HEXB: variants seen among roughly 807,000 people sequenced by gnomAD.
HEXB encodes hexosaminidase subunit beta.
HEXB carries 51 observed loss-of-function variants against 71.2 expected under a neutral mutation model. The ratio of observed to expected loss-of-function variants is 0.72; its 90% CI spans 0.57 to 0.90. The LOEUF (loss-of-function observed/expected upper bound fraction) is 0.90, where lower values mean the gene tolerates loss of function less well. HEXB is among the 40% of genes least tolerant of loss of function. The probability of loss-of-function intolerance (pLI) is 0.00; values close to 1 mark genes in which losing one functional copy is unlikely to be tolerated. For missense variants in HEXB, 617 were observed against 677.0 expected, an observed-to-expected ratio of 0.91 and a Z score of 0.98; for synonymous variants, 266 against 249.3, an observed-to-expected ratio of 1.07 and a Z score of -0.63.
Position 74,685,353 on chromosome 5 carries a change from T to TCAGGTGGCGCTGGTGGTG in HEXB, c.103_120dup (p.Leu35_Ala40dup). 2 of 1,585,770 alleles carry TCAGGTGGCGCTGGTGGTG rather than the reference T, an allele frequency of 1.3e-6. No homozygotes were observed. Among genetic ancestry groups the TCAGGTGGCGCTGGTGGTG allele is most frequent in the Non-Finnish European group, 1.7e-6 (2 of 1,167,604 alleles). On this transcript the variant is annotated inframe_insertion, in exon 1 of 14. Coordinates refer to ENST00000261416, the MANE Select transcript of HEXB (RefSeq NM_000521.4). ...TGGCGGCGATGTTGGCGCTGCTGAC[T>TCAGGTGGCGCTGGTGGTG]CAGGTGGCGCTGGTGGTGCAGGTGG...
intron 1 of HEXB, among the ~76,000 whole-genome samples, chr5:74,671,675 C>T (rs1467352714): frequency 6.6e-6 from 1 of 152,108 alleles, no homozygotes; most frequent in Non-Finnish European, 1.5e-5. Context: ...TAAATATAGG[C>T]AATTTATTGT....
At chr5:74,715,715 TTAA>T in intron 8 of HEXB, 25 bp downstream of exon 8, 14 of 1,418,564 alleles carry the variant, frequency 9.9e-6, no homozygotes, top group Admixed American at 1.9e-5. Flanking sequence ...TAAAACCCCT[TTAA>T]AAAAAAAAAA....
chr5:74,702,119 C>T (rs1272491385), intron 5 of HEXB, among the ~76,000 whole-genome samples: 29 of 124,094 alleles, frequency 2.3e-4, no homozygotes, highest in African/African-American at 8.6e-4. Context: ...CGCTCTGTCG[C>T]CCAGGCTGGA....
At position 74,652,700 on chromosome 5, in the gene HEXB, G is replaced by A. The variant is rs1391944487; in HGVS notation, c.-377+12142G>A. On this transcript the variant is annotated intron_variant, in intron 1 of 13. Transcript: ENST00000511181. The surrounding 1 kb of genome is among the most constrained non-coding windows in gnomAD (Gnocchi z 5.4). ...TGTCCAAGTTCCAAAGTGTTCTTGA[G>A]CAGCCAAAAGTCAGGGATAGAGGCT... Among the ~76,000 whole-genome samples, 3 of 152,028 alleles carry A rather than the reference G, an allele frequency of 2.0e-5. No homozygotes were observed. Among genetic ancestry groups the A allele is most frequent in the Non-Finnish European group, 2.9e-5 (2 of 67,998 alleles).
At chr5:74,679,619 G>A (rs1748700320) in intron 1 of HEXB, among the ~76,000 whole-genome samples, 1 of 151,858 alleles carries the variant, frequency 6.6e-6, no homozygotes, top group Non-Finnish European at 1.5e-5. Context: ...GGCCAACATG[G>A]TGAAGCCCTG....
At chr5:74,674,605 G>GAAAAAAA (rs1199567534) in intron 1 of HEXB, among the ~76,000 whole-genome samples, 7 of 94,868 alleles carry the variant, frequency 7.4e-5, no homozygotes, top group Admixed American at 2.4e-4. Flanking sequence ...CTCTGTCTCA[G>GAAAAAAA]AAAAAAAAAA....
intron 2 of HEXB, chr5:74,693,400 A>G (rs1432304054): frequency 1.8e-6 from 1 of 565,902 alleles, no homozygotes; most frequent in African/African-American, 1.9e-5. Context: ...TGAGGAACAC[A>G]GAAGACCAGC....
chr5:74,715,470 G>A (rs1367936632), intron 7 of HEXB, 40 bp from the exon 8 acceptor site: 9 of 1,355,348 alleles, frequency 6.6e-6, no homozygotes, highest in Non-Finnish European at 9.5e-6. Flanking sequence ...TTTATAATGA[G>A]TACACTTCTT....
rs1747899494 is a variant in HEXB at position 74,641,850 on chromosome 5, T to C, written c.-377+1292T>C. On this transcript the variant is annotated intron_variant, in intron 1 of 13. Transcript: ENST00000511181. The surrounding 1 kb of genome is among the most constrained non-coding windows in gnomAD (Gnocchi z 4.1). ...GGATAGATGACCGGTCCAGCCCCCT[T>C]GTTTTACAGGTGGGGAACCGAGGCC... is the stretch of plus-strand genomic sequence containing the variant. Among the ~76,000 whole-genome samples, 1 of 152,190 alleles carries C rather than the reference T, an allele frequency of 6.6e-6. No homozygotes were observed. The highest frequency in any genetic ancestry group is 1.5e-5 in the Non-Finnish European group (1 of 68,016).
chr5:74,681,745 A>C (rs1000537965), upstream of HEXB, among the ~76,000 whole-genome samples: 9 of 152,100 alleles, frequency 5.9e-5, no homozygotes, highest in African/African-American at 2.2e-4. Context: ...CCTAATTCCT[A>C]AATGCCCACA....
At chr5:74,682,361 AAAAAC>A (rs1298524651), upstream of HEXB, among the ~76,000 whole-genome samples, 1 of 152,256 alleles carries the variant, frequency 6.6e-6, no homozygotes, top group African/African-American at 2.4e-5. Context: ...CCGTCTCAAA[AAAAAC>A]AAAACAAAAC....
chr5:74,642,986 G>A (rs747086612), intron 1 of HEXB, among the ~76,000 whole-genome samples: 6 of 152,166 alleles, frequency 3.9e-5, no homozygotes, highest in Non-Finnish European at 7.3e-5. Flanking sequence ...GTATACATTC[G>A]CTTCATCTGC....
At chr5:74,657,823 C>A (rs992127997) in intron 1 of HEXB, among the ~76,000 whole-genome samples, 1 of 152,156 alleles carries the variant, frequency 6.6e-6, no homozygotes, top group African/African-American at 2.4e-5. Flanking sequence ...TGTCATGTGG[C>A]GTCTTCTGAT....
intron 1 of HEXB, among the ~76,000 whole-genome samples, chr5:74,658,698 CAG>C (rs1242777713): frequency 2.0e-5 from 3 of 152,132 alleles, no homozygotes; most frequent in Non-Finnish European, 2.9e-5. Flanking sequence ...CTAGGAATGA[CAG>C]AAGATTCACT....
At chr5:74,715,272 G>T (rs1749642202) in intron 7 of HEXB, among the ~76,000 whole-genome samples, 1 of 152,166 alleles carries the variant, frequency 6.6e-6, no homozygotes, top group Non-Finnish European at 1.5e-5. Context: ...AGATTTGGGA[G>T]TTACTAACAT....
At chr5:74,648,302 A>G (rs944592677) in intron 1 of HEXB, among the ~76,000 whole-genome samples, 2 of 152,196 alleles carry the variant, frequency 1.3e-5, no homozygotes, top group African/African-American at 4.8e-5. Context: ...AAGAGATGAA[A>G]CCATTTCTTC....
intron 6 of HEXB, among the ~76,000 whole-genome samples, chr5:74,706,635 G>T (rs1580389973): frequency 2.0e-5 from 3 of 152,198 alleles, no homozygotes; most frequent in Admixed American, 2.0e-4. Flanking sequence ...CGGCACACCA[G>T]GATATTATAT....
At chr5:74,671,812 T>A (rs966501943) in intron 1 of HEXB, among the ~76,000 whole-genome samples, 7 of 152,178 alleles carry the variant, frequency 4.6e-5, no homozygotes, top group Non-Finnish European at 1.0e-4. Flanking sequence ...ATGAGCCTGA[T>A]GCACAGTGAG....
At position 74,685,331 on chromosome 5, in the gene HEXB, C is replaced by T; in HGVS notation, c.71C>T (p.Ala24Val). Residue 24 changes from alanine to valine, a missense_variant, in exon 1 of 14, where the codon GCG becomes GTG. Transcript: ENST00000261416. ...LLALLLATLL[A>V]AMLALLTQVA... is the part of the protein sequence containing the mutation. ...GCGCTGCTGTTGGCGACACTGCTGG[C>T]GGCGATGTTGGCGCTGCTGACTCAG... The T allele has an allele frequency of 6.3e-7, 1 of 1,576,852 alleles. No individual in the cohort carries two copies. Among genetic ancestry groups the T allele is most frequent in the South Asian group, 1.1e-5 (1 of 87,488 alleles).
Sources: gnomAD v4.1 joint callset for allele counts (sites outside exome capture counted in the v4.1 genomes callset) on GRCh38, gnomAD v4.1.1 for gene constraint, Gnocchi (gnomAD v3.1) non-coding constraint, MANE v1.5 for transcripts, NCBI Gene and HGNC (gene_info 2026-07-23, HGNC 2026-07-21) for gene names.